Variants in UTY observed in about 807,000 individuals in gnomAD.
The protein encoded by UTY is ubiquitously transcribed tetratricopeptide repeat containing, Y-linked, also known as histone demethylase UTY.
Under a neutral mutation model 32.5 loss-of-function variants are expected in UTY, and 12 were observed. The ratio of observed to expected loss-of-function variants is 0.37; its 90% CI spans 0.24 to 0.60. UTY has a LOEUF of 0.60. Among genes scored for constraint, UTY ranks in the 20% least tolerant of loss-of-function variants. The probability of loss-of-function intolerance (pLI) is 0.69; values close to 1 mark genes in which losing one functional copy is unlikely to be tolerated. For synonymous variants in UTY, 131 were observed against 103.4 expected, an observed-to-expected ratio of 1.27 and a Z score of -1.62; for missense variants, 303 against 299.2, an observed-to-expected ratio of 1.01 and a Z score of -0.09.
chrY:13,397,825 T>C, intron 6 of UTY, among the ~76,000 whole-genome samples: 1 of 33,526 alleles, frequency 3.0e-5, no homozygotes. Flanking sequence ...GTCTATGAAC[T>C]ACTTAACTAA....
chrY:13,335,411 T>C, intron 18 of UTY, 152 bp downstream of exon 18: 1 of 181,069 alleles, frequency 5.5e-6, no homozygotes, highest in Non-Finnish European at 9.4e-6. Flanking sequence ...TTTAAACATA[T>C]AAAACAACAA....
intron 24 of UTY, among the ~76,000 whole-genome samples, chrY:13,304,835 G>GT: frequency 3.3e-5 from 1 of 30,428 alleles, no homozygotes; most frequent in South Asian, 7.3e-4. Context: ...ATAAAAAATA[G>GT]TTTTTTTTTA....
At chrY:13,388,634 T>C in intron 8 of UTY, among the ~76,000 whole-genome samples, 1 of 33,526 alleles carries the variant, frequency 3.0e-5, no homozygotes, top group Non-Finnish European at 7.4e-5. Flanking sequence ...TGGTTTGTTC[T>C]CTTTTCTCCA....
intron 6 of UTY, among the ~76,000 whole-genome samples, chrY:13,406,121 T>C (rs1014887603): frequency 6.0e-5 from 2 of 33,253 alleles, no homozygotes; most frequent in African/African-American, 2.3e-4. Context: ...TAAGAACCTA[T>C]ATGATAAGTC....
intron 4 of UTY, among the ~76,000 whole-genome samples, chrY:13,436,967 GACACAC>G (rs774903488): frequency 5.0e-4 from 12 of 24,117 alleles, no homozygotes; most frequent in African/African-American, 8.2e-4. Context: ...AAGCAAAAGA[GACACAC>G]ACACACACAC....
chrY:13,414,333 A>G (rs2071383077), intron 5 of UTY, among the ~76,000 whole-genome samples: 1 of 34,274 alleles, frequency 2.9e-5, no homozygotes, highest in Non-Finnish European at 7.3e-5. Flanking sequence ...TTATTTCCAG[A>G]CTTGATGTAA....
intron 27 of UTY, among the ~76,000 whole-genome samples, chrY:13,285,811 T>C: frequency 1.5e-4 from 5 of 33,880 alleles, no homozygotes; most frequent in Non-Finnish European, 2.9e-4. Flanking sequence ...AGTTCCCCCA[T>C]GCTGTAGTGA....
chrY:13,443,357 C>T, intron 4 of UTY, among the ~76,000 whole-genome samples: 1 of 33,098 alleles, frequency 3.0e-5, no homozygotes, highest in Non-Finnish European at 7.4e-5. Flanking sequence ...TGTCCAGCTT[C>T]GAGGTTGACT....
intron 21 of UTY, among the ~76,000 whole-genome samples, chrY:13,309,590 C>CA (rs2058904872): frequency 6.0e-4 from 16 of 26,862 alleles, no homozygotes; most frequent in African/African-American, 1.2e-3. Context: ...GACTCTGTCT[C>CA]AAAAAAAAAA....
chrY:13,389,792 C>T, intron 8 of UTY, among the ~76,000 whole-genome samples: 2 of 33,766 alleles, frequency 5.9e-5, no homozygotes, highest in African/African-American at 2.3e-4. Flanking sequence ...GTCCAAGATT[C>T]CTTTAGTTCT....
At chrY:13,291,177 C>T in intron 27 of UTY, among the ~76,000 whole-genome samples, 2 of 32,999 alleles carry the variant, frequency 6.1e-5, no homozygotes, top group African/African-American at 1.2e-4. Context: ...GAACTAACAC[C>T]AATCCTACTC....
chrY:13,379,052 G>A (rs2065706738), intron 8 of UTY, among the ~76,000 whole-genome samples: 1 of 32,711 alleles, frequency 3.1e-5, no homozygotes, highest in Non-Finnish European at 7.5e-5. Flanking sequence ...GCTCACACCT[G>A]TAATCCCCAG....
chrY:13,346,703 A>C (rs2061927661), intron 17 of UTY, among the ~76,000 whole-genome samples: 2 of 33,764 alleles, frequency 5.9e-5, no homozygotes, highest in Non-Finnish European at 1.5e-4. Context: ...TAGGTCAACA[A>C]TATCTTGCAA....
At chrY:13,357,065 A>C in intron 15 of UTY, among the ~76,000 whole-genome samples, 1 of 32,904 alleles carries the variant, frequency 3.0e-5, no homozygotes, top group Non-Finnish European at 7.4e-5. Flanking sequence ...ATCAAAGAAT[A>C]GAGAAGCAAT....
At chrY:13,255,299 T>G (rs976769382) in intron 28 of UTY, among the ~76,000 whole-genome samples, 4 of 33,421 alleles carry the variant, frequency 1.2e-4, no homozygotes, top group African/African-American at 4.7e-4. Flanking sequence ...ATGGGTTATG[T>G]CCCTGGTATG....
chrY:13,445,244 AATATATATATATAT>A (rs60043171), intron 4 of UTY, among the ~76,000 whole-genome samples: 5 of 5,234 alleles, frequency 9.6e-4, no homozygotes, highest in East Asian at 5.7e-3. Flanking sequence ...TTTTTAAAAT[AATATATATATATAT>A]ATATATATAT....
Position 13,355,906 on chromosome Y carries a change from A to C in UTY, c.1665+17T>G. ...ACTGTTGGTAAATTTTAGAGAAAATAAAAATATTATACATACTTGCTGCAT... is the reference window on the plus strand; with the variant it reads ...ACTGTTGGTAAATTTTAGAGAAAATCAAAATATTATACATACTTGCTGCAT... On this transcript the variant is annotated intron_variant, in intron 16 of 29. Transcript: ENST00000545955. 2.8e-6 allele frequency: 1 copy of C among 362,182 alleles called. No individual in the cohort carries two copies. The highest frequency in any genetic ancestry group is 3.9e-6 in the Non-Finnish European group (1 of 258,733). The allele number at this position is 362,182 out of a possible 400,897, so 90.3% of individuals were successfully genotyped here.
upstream of UTY, chrY:13,480,308 AAG>A (rs2079574029): frequency 2.9e-5 from 1 of 34,227 alleles, no homozygotes; most frequent in Non-Finnish European, 7.3e-5. Context: ...CTTGAAGGGG[AAG>A]AGAGCGATGG....
At chrY:13,238,864 T>G in intron 28 of UTY, among the ~76,000 whole-genome samples, 1 of 33,555 alleles carries the variant, frequency 3.0e-5, no homozygotes, top group African/African-American at 1.2e-4. Context: ...GAAAGGGAAT[T>G]AAGAAAATTG....
Sources: gnomAD v4.1 joint callset for allele counts (sites outside exome capture counted in the v4.1 genomes callset) on GRCh38, gnomAD v4.1.1 for gene constraint, MANE v1.5 for transcripts, NCBI Gene and HGNC (gene_info 2026-07-23, HGNC 2026-07-21) for gene names.